TMEM44: variants seen among roughly 807,000 people sequenced by gnomAD.
The protein encoded by TMEM44 is transmembrane protein 44.
Under a neutral mutation model 47.8 loss-of-function variants are expected in TMEM44, and 43 were observed. That is an observed-to-expected ratio of 0.90 (90% CI 0.70 to 1.16). TMEM44 has a LOEUF of 1.16. TMEM44 is among the 50% of genes most tolerant of loss of function. The pLI is 0.00. For synonymous variants in TMEM44, 277 were observed against 238.8 expected (o/e 1.16, Z -1.48); for missense variants, 568 against 555.2 (o/e 1.02, Z -0.23).
rs1385598688 is a variant in TMEM44, at chr3:194,588,466, G to A, written c.*63C>T. On this transcript the variant is annotated 3_prime_UTR_variant, in exon 10 of 10. Coordinates refer to ENST00000347147, the MANE Select transcript of TMEM44 (RefSeq NM_001011655.3). ...GCGGTGTCAGTGCAGATTGATTCCC[G>A]CTGCGTTACTGAACGAACTCCTGAC... The A allele has an allele frequency of 6.2e-6, 9 of 1,450,556 alleles. No individual in the cohort carries two copies. The highest frequency in any genetic ancestry group is 2.3e-5 in the South Asian group (2 of 86,936). 89.9% of individuals were successfully genotyped at this position (1,450,556 alleles called of 1,614,324 possible). A position where few individuals can be genotyped will look rare whatever the true frequency, so the allele number is the denominator to read the frequency against.
chr3:194,616,943 T>C, intron 6 of TMEM44, 156 bp downstream of exon 6: 1 of 768,378 alleles, frequency 1.3e-6, no homozygotes, highest in Non-Finnish European at 2.0e-6. Flanking sequence ...ATAATTGCAT[T>C]TGTGTTTGCC....
At chr3:194,613,933 A>T (rs1393278038) in intron 7 of TMEM44, among the ~76,000 whole-genome samples, 4 of 151,558 alleles carry the variant, frequency 2.6e-5, no homozygotes, top group African/African-American at 9.7e-5. Context: ...GACCAGCCTG[A>T]CCAACATGGA....
chr3:194,618,717 GA>G (rs917250080), intron 5 of TMEM44, among the ~76,000 whole-genome samples: 1 of 151,928 alleles, frequency 6.6e-6, no homozygotes, highest in South Asian at 2.1e-4. Flanking sequence ...CTTGGCTAGG[GA>G]ATGGGAAAAA....
At chr3:194,614,036 C>G (rs899075077) in intron 7 of TMEM44, among the ~76,000 whole-genome samples, 1 of 151,944 alleles carries the variant, frequency 6.6e-6, no homozygotes, top group Non-Finnish European at 1.5e-5. Flanking sequence ...GCAGGAGAAT[C>G]GCTTGAACCC....
chr3:194,628,378 C>A lies in TMEM44; in HGVS notation c.264+5G>T, dbSNP rs775549848. ...AAGCCACTGTCAGCTGGAGGCCCAA[C>A]ATACCTGGATTGTGAGCTGTCTGGC... is the stretch of plus-strand genomic sequence containing the variant. On this transcript the variant is annotated splice_donor_5th_base_variant and intron_variant, in intron 2 of 9. Transcript: ENST00000347147. 6.2e-7 allele frequency: 1 copy of A among 1,609,514 alleles called. No individual in the cohort carries two copies. The highest frequency in any genetic ancestry group is 2.2e-5 in the East Asian group (1 of 44,758).
chr3:194,598,159 T>C (rs1469693943), intron 9 of TMEM44, among the ~76,000 whole-genome samples: 1 of 152,286 alleles, frequency 6.6e-6, no homozygotes, highest in African/African-American at 2.4e-5. Flanking sequence ...CTGGTCACAC[T>C]GAGGCTCCCA....
At position 194,587,739 on chromosome 3, in the gene TMEM44, T is replaced by C. The variant is rs917719838; in HGVS notation, c.*790A>G. The stretch of plus-strand genomic sequence containing the variant: ...TCACTCCCACCTTAGCCCCATTCCA[T>C]GCGCCCTTACCCTTACTCATCGCAG... On this transcript the variant is annotated 3_prime_UTR_variant, in exon 10 of 10. Coordinates refer to ENST00000347147, the MANE Select transcript of TMEM44 (RefSeq NM_001011655.3). 6.6e-6 allele frequency: 1 copy of C among 152,300 alleles called. No individual in the cohort carries two copies. Among genetic ancestry groups the C allele is most frequent in the African/African-American group, 2.4e-5 (1 of 41,468 alleles). The allele number at this position is 152,300 out of a possible 1,614,324, so 9.4% of individuals were successfully genotyped here. A position where few individuals can be genotyped will look rare whatever the true frequency, so the allele number is the denominator to read the frequency against.
chr3:194,611,152 C>A lies in TMEM44; in HGVS notation c.913-132G>T. On this transcript the variant is annotated intron_variant, in intron 7 of 9. Transcript: ENST00000347147. The surrounding 1 kb of genome is among the most constrained non-coding windows in gnomAD (Gnocchi z 4.2). The stretch of plus-strand genomic sequence containing the variant: ...CTCTCTCTTTTTTAACGGCACGTCT[C>A]ACTTTCTGCTTCCTATAAGATGTGT... 1.4e-6 allele frequency: 1 copy of A among 699,742 alleles called. No individual in the cohort carries two copies. Among genetic ancestry groups the A allele is most frequent in the Non-Finnish European group, 2.5e-6 (1 of 396,388 alleles). 43.3% of individuals were successfully genotyped at this position (699,742 alleles called of 1,614,324 possible).
At chr3:194,629,577 C>G (rs1049365331) in intron 1 of TMEM44, among the ~76,000 whole-genome samples, 1 of 146,862 alleles carries the variant, frequency 6.8e-6, no homozygotes, top group African/African-American at 2.5e-5. Flanking sequence ...CATTGTCGTA[C>G]ATGCCTCCTG....
rs1195958632 is a variant in TMEM44 at position 194,615,784 on chromosome 3, C to T, written c.784-87G>A. 5.9e-6 allele frequency: 9 copies of T among 1,527,360 alleles called. 1 individual carries two copies. Among genetic ancestry groups the T allele is most frequent in the South Asian group, 2.4e-5 (2 of 83,844 alleles). The allele number at this position is 1,527,360 out of a possible 1,614,324, so 94.6% of individuals were successfully genotyped here. On this transcript the variant is annotated intron_variant, in intron 6 of 9. Coordinates refer to ENST00000347147, the MANE Select transcript of TMEM44 (RefSeq NM_001011655.3). ...CCCCTCCACACCATGCTGCCACCCC[C>T]CTCCCCACTCACCTACTCTCCTCCC...
Position 194,628,631 on chromosome 3 carries a change from G to A in TMEM44, c.138-122C>T, listed in dbSNP as rs995595996. On this transcript the variant is annotated intron_variant, in intron 1 of 9. Coordinates refer to ENST00000347147, the MANE Select transcript of TMEM44 (RefSeq NM_001011655.3). ...GAGCTCTTTCTGCCCGAGGTATTTA[G>A]GACGTGTTTTTGAACTGAGTTTACA... 9.6e-6 allele frequency: 12 copies of A among 1,252,450 alleles called. No homozygotes were observed. In the Admixed American group the frequency reaches 3.0e-4, roughly 31 times the overall value. The allele number at this position is 1,252,450 out of a possible 1,614,324, so 77.6% of individuals were successfully genotyped here.
intron 9 of TMEM44, among the ~76,000 whole-genome samples, chr3:194,592,503 C>T (rs1227410673): frequency 2.0e-5 from 3 of 152,212 alleles, no homozygotes; most frequent in Non-Finnish European, 4.4e-5. Context: ...CTGGGTTACA[C>T]GTCTTCTTGG....
intron 3 of TMEM44, among the ~76,000 whole-genome samples, chr3:194,624,293 G>A (rs753869968): frequency 7.9e-5 from 12 of 151,338 alleles, no homozygotes; most frequent in Non-Finnish European, 1.2e-4. Flanking sequence ...CTCATGAGTG[G>A]CTGGGATTCC....
intron 5 of TMEM44, 77 bp downstream of exon 5, chr3:194,623,147 A>G (rs1364460989): frequency 7.0e-7 from 1 of 1,422,830 alleles, no homozygotes; most frequent in Non-Finnish European, 9.6e-7. Flanking sequence ...CCTCCGCCCC[A>G]TGACCCTCTC....
intron 1 of TMEM44, chr3:194,632,787 G>A (rs1717953910): frequency 5.0e-6 from 2 of 403,316 alleles, no homozygotes; most frequent in South Asian, 2.5e-5. Context: ...GTCACACTGC[G>A]AGTCAATGGC....
At position 194,633,169 on chromosome 3, in the gene TMEM44, T is replaced by A. The variant is rs1205909738; in HGVS notation, c.47A>T (p.Tyr16Phe). Residue 16 changes from tyrosine to phenylalanine, a missense_variant, in exon 1 of 10, where the codon TAC becomes TTC. Physicochemically the swap from Tyr to Phe is conservative, Grantham distance 22. Coordinates refer to ENST00000347147, the MANE Select transcript of TMEM44 (RefSeq NM_001011655.3). The stretch of plus-strand genomic sequence containing the variant: ...GTGGCGGGCGAAGCAGCGGTCCAGG[T>A]AGTCCCAGTCCCAGAGCGCGGGCGC... The part of the protein sequence containing the change: ...SPAPALWDWD[Y>F]LDRCFARHRV... 3.2e-6 allele frequency: 5 copies of A among 1,546,234 alleles called. No individual in the cohort carries two copies. The Admixed American group carries it at 5.9e-5, about 18-fold the overall frequency.
chr3:194,599,529 T>G (rs959189675), intron 9 of TMEM44, among the ~76,000 whole-genome samples: 3 of 152,250 alleles, frequency 2.0e-5, no homozygotes, highest in African/African-American at 7.2e-5. Context: ...TAATTTCAAT[T>G]TTCTTCTTCA....
intron 9 of TMEM44, among the ~76,000 whole-genome samples, chr3:194,602,471 G>A (rs1204280325): frequency 2.0e-5 from 3 of 152,078 alleles, no homozygotes; most frequent in Admixed American, 1.3e-4. Context: ...GCGTGGTGGT[G>A]GGCACCTGTA....
chr3:194,613,646 C>T (rs1715571351), intron 7 of TMEM44, among the ~76,000 whole-genome samples: 2 of 151,294 alleles, frequency 1.3e-5, no homozygotes, highest in African/African-American at 2.4e-5. Context: ...GCGCGTGCCA[C>T]CACACCCAGC....
Sources: gnomAD v4.1 joint callset for allele counts (sites outside exome capture counted in the v4.1 genomes callset) on GRCh38, gnomAD v4.1.1 for gene constraint, Gnocchi (gnomAD v3.1) non-coding constraint, MANE v1.5 for transcripts, NCBI Gene and HGNC (gene_info 2026-07-23, HGNC 2026-07-21) for gene names.